Variants in NLGN4X observed in about 807,000 individuals in gnomAD.
NLGN4X encodes the protein neuroligin-4, X-linked.
In NLGN4X, 3 loss-of-function variants were observed where a neutral mutation model predicts 40.3. The ratio of observed to expected loss-of-function variants is 0.07; its 90% confidence interval spans 0.03 to 0.19. The LOEUF (loss-of-function observed/expected upper bound fraction) is 0.19. NLGN4X is among the 10% of genes least tolerant of loss of function. NLGN4X has a pLI of 1.00. For missense variants in NLGN4X, 382 were observed against 708.3 expected (o/e 0.54, Z 5.23); for synonymous variants, 270 against 306.8 (o/e 0.88, Z 1.25).
rs143439623 is a variant in NLGN4X, at chrX:6,035,079, G to C, written c.473-5647C>G. Among the ~76,000 whole-genome samples the C allele has an allele frequency of 5.0e-3, 555 of 111,879 alleles. 5 individuals are homozygous for C. The highest frequency in any genetic ancestry group is 0.017 in the African/African-American group (534 of 30,796). ...TATTAAATATCTTCTCATGTACACT[G>C]TCTTTGCAGAAATGTCTATTAATTT... On this transcript the variant is annotated intron_variant, in intron 2 of 5. Transcript: ENST00000381095.
At chrX:6,047,975 G>A (rs2037370819) in intron 2 of NLGN4X, among the ~76,000 whole-genome samples, 1 of 111,432 alleles carries the variant, frequency 9.0e-6, no homozygotes, top group Non-Finnish European at 1.9e-5. Context: ...GAGAAAGCCT[G>A]GGCCCCTGGA....
intron 2 of NLGN4X, among the ~76,000 whole-genome samples, chrX:6,113,430 A>C (rs1243691656): frequency 9.0e-6 from 1 of 111,541 alleles, no homozygotes; most frequent in Non-Finnish European, 1.9e-5. Context: ...TTAACTTTTA[A>C]CTCAGATCAT....
intron 2 of NLGN4X, among the ~76,000 whole-genome samples, chrX:6,063,178 AT>A (rs1416758142): frequency 1.8e-5 from 2 of 111,953 alleles, no homozygotes; most frequent in African/African-American, 6.5e-5. Context: ...ACCTTATAAA[AT>A]AATACAAAAC....
At chrX:6,181,417 TTGAC>T (rs1279360880) in intron 1 of NLGN4X, among the ~76,000 whole-genome samples, 4 of 112,153 alleles carry the variant, frequency 3.6e-5, no homozygotes, top group Non-Finnish European at 7.5e-5. Context: ...TAAATAATTT[TTGAC>T]TGTGTGTCTT....
intron 2 of NLGN4X, among the ~76,000 whole-genome samples, chrX:6,056,951 T>A (rs1390489771): frequency 8.9e-6 from 1 of 111,867 alleles, no homozygotes; most frequent in African/African-American, 3.3e-5. Flanking sequence ...GATCGACACA[T>A]TCCCTAGCTC....
chrX:6,190,357 C>A (rs1388663178), intron 1 of NLGN4X, among the ~76,000 whole-genome samples: 1 of 111,626 alleles, frequency 9.0e-6, no homozygotes, highest in Admixed American at 9.5e-5. Flanking sequence ...ACTCAAAAGG[C>A]CTTTGTGGTC....
intron 2 of NLGN4X, among the ~76,000 whole-genome samples, chrX:6,047,991 A>G (rs1259212026): frequency 9.0e-6 from 1 of 111,504 alleles, no homozygotes; most frequent in Non-Finnish European, 1.9e-5. Flanking sequence ...CTGGAAGGAA[A>G]AACAGCCTGG....
intron 3 of NLGN4X, among the ~76,000 whole-genome samples, chrX:6,006,093 C>T (rs1302030531): frequency 1.8e-5 from 2 of 111,063 alleles, no homozygotes; most frequent in Non-Finnish European, 3.8e-5. Context: ...TCAGTGAACC[C>T]TCAGAGGGGA....
intron 1 of NLGN4X, among the ~76,000 whole-genome samples, chrX:6,166,412 A>C (rs2040497098): frequency 8.9e-6 from 1 of 111,803 alleles, no homozygotes; most frequent in Non-Finnish European, 1.9e-5. Flanking sequence ...ATTAATATTA[A>C]TATACCTTGG....
chrX:5,994,506 C>T (rs1301585686), intron 3 of NLGN4X, among the ~76,000 whole-genome samples: 1 of 111,806 alleles, frequency 8.9e-6, no homozygotes, highest in Non-Finnish European at 1.9e-5. Context: ...TCCCTCAAAC[C>T]AGGGGCAAAA....
intron 1 of NLGN4X, among the ~76,000 whole-genome samples, chrX:6,175,549 C>T (rs1263970228): frequency 9.9e-6 from 1 of 100,698 alleles, no homozygotes; most frequent in Non-Finnish European, 2.0e-5. Flanking sequence ...TGAAAACTTA[C>T]ATAGAAAAGT....
chrX:6,032,252 C>A (rs138282714), intron 2 of NLGN4X, among the ~76,000 whole-genome samples: 1 of 82,315 alleles, frequency 1.2e-5, no homozygotes. Context: ...AAAAATTCTT[C>A]TAAGGTGCTG....
At chrX:6,051,389 G>A (rs2037488680) in intron 2 of NLGN4X, among the ~76,000 whole-genome samples, 1 of 111,476 alleles carries the variant, frequency 9.0e-6, no homozygotes, top group Admixed American at 9.6e-5. Flanking sequence ...ATGTGATCAC[G>A]TAATTTCTTT....
At chrX:5,897,266 C>G (rs1312544702) in intron 5 of NLGN4X, among the ~76,000 whole-genome samples, 1 of 111,743 alleles carries the variant, frequency 8.9e-6, no homozygotes, top group Non-Finnish European at 1.9e-5. Context: ...ATTCCCCACT[C>G]CTTTTTGTCC....
chrX:6,056,696 C>T (rs1289809778), intron 2 of NLGN4X, among the ~76,000 whole-genome samples: 1 of 111,788 alleles, frequency 8.9e-6, no homozygotes, highest in East Asian at 2.8e-4. Flanking sequence ...ACTGCATTAG[C>T]GTCTTTTAGT....
At chrX:6,067,791 T>C (rs1353105700) in intron 2 of NLGN4X, among the ~76,000 whole-genome samples, 1 of 111,647 alleles carries the variant, frequency 9.0e-6, no homozygotes, top group Non-Finnish European at 1.9e-5. Context: ...CTAGAATTAC[T>C]CATGTTAAAT....
intron 2 of NLGN4X, among the ~76,000 whole-genome samples, chrX:6,061,171 T>A (rs1352603920): frequency 1.8e-5 from 2 of 111,539 alleles, no homozygotes; most frequent in Non-Finnish European, 3.8e-5. Flanking sequence ...AATAAATGAG[T>A]CTTCTCCATC....
intron 3 of NLGN4X, among the ~76,000 whole-genome samples, chrX:5,930,614 T>C (rs1360010792): frequency 1.8e-5 from 2 of 112,574 alleles, no homozygotes; most frequent in Non-Finnish European, 3.7e-5. Flanking sequence ...CAGTGTCATC[T>C]GCTAGATAAA....
chrX:6,044,345 G>A (rs2037257987), intron 2 of NLGN4X, among the ~76,000 whole-genome samples: 1 of 111,151 alleles, frequency 9.0e-6, no homozygotes, highest in African/African-American at 3.3e-5. Flanking sequence ...CTCATTTTGT[G>A]TAGTGAGCTG....
Sources: gnomAD v4.1 joint callset for allele counts (sites outside exome capture counted in the v4.1 genomes callset) on GRCh38, gnomAD v4.1.1 for gene constraint, MANE v1.5 for transcripts, NCBI Gene and HGNC (gene_info 2026-07-23, HGNC 2026-07-21) for gene names.